Variants in SEC24B observed in about 807,000 individuals in gnomAD.
SEC24B encodes the protein SEC24 homolog B, COPII component.
A neutral mutation model predicts 142.8 loss-of-function variants in SEC24B; 45 were observed. The observed-to-expected ratio is 0.32, with a 90% CI of 0.25 to 0.40. The LOEUF (loss-of-function observed/expected upper bound fraction) is 0.40, where lower values mean the gene tolerates loss of function less well. Among genes scored for constraint, SEC24B ranks in the 10% least tolerant of loss-of-function variants. The probability of loss-of-function intolerance (pLI) is 1.00; values close to 1 mark genes in which losing one functional copy is unlikely to be tolerated. For missense variants in SEC24B, 1,409 were observed against 1,526.8 expected, an observed-to-expected ratio of 0.92 and a Z score of 1.29; for synonymous variants, 574 against 568.2, an observed-to-expected ratio of 1.01 and a Z score of -0.15.
intron 9 of SEC24B, among the ~76,000 whole-genome samples, chr4:109,513,514 C>T (rs1345610633): frequency 1.3e-5 from 2 of 152,084 alleles, no homozygotes; most frequent in Non-Finnish European, 2.9e-5. Flanking sequence ...AAACTCCTGA[C>T]CTCGTGATCC....
At position 109,510,047 on chromosome 4, in the gene SEC24B, A is replaced by G; in HGVS notation, c.1712A>G (p.Gln571Arg). ...RCTLTNIPQTQALLNKAKLPL... is the reference protein window; with the variant it reads ...RCTLTNIPQTRALLNKAKLPL... ...ACTTTGACAAATATTCCACAGACAC[A>G]GGCTTTACTGAATAAAGCTAAGCTT... The change falls in exon 8 of 24, where the codon CAG becomes CGG. Residue 571 changes from glutamine (Q) to arginine (R), a missense_variant. By Grantham distance (43) the Gln-to-Arg change is conservative. This residue lies in a region of SEC24B where 700 missense variants were observed against 853.3 expected (regional missense o/e 0.82). Transcript: ENST00000265175. The G allele has an allele frequency of 6.2e-7, 1 of 1,610,236 alleles. No individual in the cohort carries two copies. The highest frequency in any genetic ancestry group is 1.7e-5 in the Admixed American group (1 of 59,376).
chr4:109,449,795 T>C (rs1729873951), intron 1 of SEC24B, among the ~76,000 whole-genome samples: 1 of 152,122 alleles, frequency 6.6e-6, no homozygotes. Flanking sequence ...CAGCATAGTT[T>C]TGGAGGGACA....
chr4:109,454,110 G>C (rs1159973076), intron 1 of SEC24B, among the ~76,000 whole-genome samples: 1 of 152,078 alleles, frequency 6.6e-6, no homozygotes, highest in Non-Finnish European at 1.5e-5. Flanking sequence ...CTGGCCAACT[G>C]TGTCTTATCT....
rs753176588 is a variant in SEC24B, at chr4:109,473,112, C to T, written c.986C>T (p.Thr329Ile). The T allele has an allele frequency of 6.2e-7, 1 of 1,600,562 alleles. No homozygotes were observed. The highest frequency in any genetic ancestry group is 8.5e-7 in the Non-Finnish European group (1 of 1,173,630). ...TCCTCAGGATCCTCATCAACAAGAA[C>T]ACCTCCCACTGCAAATCACCCAGTT... ...SGSSGSSSTR[T>I]PPTANHPVEP... Residue 329 changes from threonine to isoleucine, a missense_variant, in exon 3 of 24, where the codon ACA (threonine) becomes ATA (isoleucine). This residue lies in a region of SEC24B where 709 missense variants were observed against 673.5 expected (regional missense o/e 1.05). Transcript: ENST00000265175.
At chr4:109,519,093 CCTG>C (rs879797389) in intron 11 of SEC24B, among the ~76,000 whole-genome samples, 1 of 152,120 alleles carries the variant, frequency 6.6e-6, no homozygotes, top group African/African-American at 2.4e-5. Context: ...AGCCACTGCA[CCTG>C]GCTTGTTTTT....
intron 3 of SEC24B, among the ~76,000 whole-genome samples, chr4:109,479,344 C>G (rs1239920209): frequency 6.6e-6 from 1 of 152,148 alleles, no homozygotes; most frequent in Non-Finnish European, 1.5e-5. Context: ...CATGTACATA[C>G]ATTTCTACAG....
rs749044053 is a variant in SEC24B at position 109,516,632 on chromosome 4, T to C, written c.2118T>C (p.Asn706=). ...LTILCQSLLE[N]LDKLPGDSRT... is the part of the protein sequence containing the mutation. ...TTTTGTGCCAGTCACTCCTAGAAAA[T>C]CTAGACAAGTAAGAATATTTTTAAT... Residue 706 remains asparagine (N), a synonymous_variant, in exon 11 of 24, where the codon AAT becomes AAC. Coordinates refer to ENST00000265175, the MANE Select transcript of SEC24B (RefSeq NM_006323.5). 6.4e-7 allele frequency: 1 copy of C among 1,565,474 alleles called. No homozygotes were observed. Among genetic ancestry groups the C allele is most frequent in the East Asian group, 2.2e-5 (1 of 44,476 alleles).
At chr4:109,445,946 AAATT>A (rs1729414614) in intron 1 of SEC24B, among the ~76,000 whole-genome samples, 1 of 150,496 alleles carries the variant, frequency 6.6e-6, no homozygotes, top group African/African-American at 2.4e-5. Flanking sequence ...TGCAATAATC[AAATT>A]AATTTATTCT....
intron 1 of SEC24B, among the ~76,000 whole-genome samples, chr4:109,434,756 CTT>C (rs1203575868): frequency 5.9e-5 from 9 of 152,194 alleles, no homozygotes; most frequent in Non-Finnish European, 1.0e-4. Flanking sequence ...CCTAGCTCCA[CTT>C]TCAGAGATGA....
intron 3 of SEC24B, among the ~76,000 whole-genome samples, chr4:109,479,047 G>C (rs764982148): frequency 2.0e-5 from 3 of 152,216 alleles, no homozygotes; most frequent in Admixed American, 1.3e-4. Context: ...TCGTGGTATA[G>C]CTGTATCTAG....
Position 109,525,328 on chromosome 4 carries a change from T to C in SEC24B, c.2633-18T>C, listed in dbSNP as rs755405018. 3.2e-6 allele frequency: 5 copies of C among 1,558,828 alleles called. No individual in the cohort carries two copies. In the African/African-American group the frequency reaches 5.5e-5, roughly 17 times the overall value. On this transcript the variant is annotated intron_variant, in intron 15 of 23. Transcript: ENST00000265175. ...TTATTATTTCTATAGCTAATACTTT[T>C]TGTATTTCTCTCTAAAGCTTGCATG...
intron 2 of SEC24B, among the ~76,000 whole-genome samples, chr4:109,468,565 T>C (rs1317632752): frequency 1.3e-5 from 2 of 152,244 alleles, no homozygotes; most frequent in Non-Finnish European, 2.9e-5. Context: ...GTTGGCACTA[T>C]CAGATTTGTG....
intron 6 of SEC24B, among the ~76,000 whole-genome samples, chr4:109,504,359 C>A (rs1736478514): frequency 6.6e-6 from 1 of 152,036 alleles, no homozygotes; most frequent in Non-Finnish European, 1.5e-5. Flanking sequence ...TTTACTAATT[C>A]TATTTGCTTA....
At chr4:109,447,025 G>A (rs1036458280) in intron 1 of SEC24B, among the ~76,000 whole-genome samples, 2 of 152,180 alleles carry the variant, frequency 1.3e-5, no homozygotes, top group Non-Finnish European at 2.9e-5. Context: ...TACTGTGGAA[G>A]CAATATTATA....
At chr4:109,520,084 T>C (rs959591551) in intron 11 of SEC24B, among the ~76,000 whole-genome samples, 1 of 152,242 alleles carries the variant, frequency 6.6e-6, no homozygotes, top group African/African-American at 2.4e-5. Context: ...AAAATCTGAT[T>C]TGCAGTATAT....
chr4:109,532,362 C>A (rs1430833467), intron 20 of SEC24B, among the ~76,000 whole-genome samples: 1 of 151,990 alleles, frequency 6.6e-6, no homozygotes, highest in African/African-American at 2.4e-5. Flanking sequence ...GCAACAGAGC[C>A]AGTAGTCACA....
chr4:109,492,937 A>G (rs1386466327), intron 5 of SEC24B, among the ~76,000 whole-genome samples: 1 of 148,706 alleles, frequency 6.7e-6, no homozygotes, highest in Non-Finnish European at 1.5e-5. Context: ...CCAGGCTGGT[A>G]TCAAACATCT....
At chr4:109,466,629 C>G (rs891583151) in intron 2 of SEC24B, among the ~76,000 whole-genome samples, 2 of 152,186 alleles carry the variant, frequency 1.3e-5, no homozygotes, top group South Asian at 2.1e-4. Flanking sequence ...CCAGGATGGT[C>G]TTGATCTCCT....
At chr4:109,485,623 A>C (rs536936102) in intron 4 of SEC24B, among the ~76,000 whole-genome samples, 2 of 152,342 alleles carry the variant, frequency 1.3e-5, no homozygotes, top group African/African-American at 4.8e-5. Context: ...GTTGCAAATT[A>C]AAGAAACATT....
Sources: allele counts gnomAD v4.1 joint callset (sites outside exome capture counted in the v4.1 genomes callset), GRCh38; gene constraint gnomAD v4.1.1; regional missense constraint gnomAD v4.1.1; transcripts MANE v1.5; gene names NCBI Gene and HGNC (gene_info 2026-07-23, HGNC 2026-07-21).